The following MIPEP variants were observed in gnomAD, a reference collection of about 807,000 sequenced individuals.
The protein encoded by MIPEP is mitochondrial intermediate peptidase.
A neutral mutation model predicts 90.3 loss-of-function variants in MIPEP; 79 were observed. The ratio of observed to expected loss-of-function variants is 0.87; its 90% CI spans 0.73 to 1.05. The LOEUF (loss-of-function observed/expected upper bound fraction) is 1.05. Ranked by LOEUF, MIPEP falls within the 50% of genes least tolerant of loss-of-function variation. The pLI is 0.00. For missense variants in MIPEP, 940 were observed against 905.6 expected (o/e 1.04, Z -0.49); for synonymous variants, 334 against 315.8 (o/e 1.06, Z -0.61).
At position 23,799,000 on chromosome 13, in the gene MIPEP, G is replaced by T. The variant is rs1054296500; in HGVS notation, c.1848+6950C>A. Among the ~76,000 whole-genome samples the T allele has an allele frequency of 1.2e-3, 103 of 88,890 alleles. 1 individual carries two copies. The Middle Eastern group carries it at 0.039, about 34-fold the overall frequency. The allele number at this position is 88,890 out of a possible 152,430, so 58.3% of individuals were successfully genotyped here. A position where few individuals can be genotyped will look rare whatever the true frequency, so the allele number is the denominator to read the frequency against. On this transcript the variant is annotated intron_variant, in intron 16 of 18. Transcript: ENST00000382172. Reference sequence around the variant, plus strand: ...AGGGTAAATTAGAATAATTTTTTTGGTTTTTTTTTTTTTTTTTTTTTTTGA... The same window carrying T: ...AGGGTAAATTAGAATAATTTTTTTGTTTTTTTTTTTTTTTTTTTTTTTTGA...
chr13:23,866,814 A>G (rs539490710), intron 7 of MIPEP, among the ~76,000 whole-genome samples: 2 of 152,204 alleles, frequency 1.3e-5, no homozygotes, highest in Admixed American at 1.3e-4. Flanking sequence ...TGCCTACCCA[A>G]CTTCACCACT....
intron 10 of MIPEP, among the ~76,000 whole-genome samples, chr13:23,844,234 C>T (rs1462631413): frequency 6.6e-6 from 1 of 152,006 alleles, no homozygotes; most frequent in Admixed American, 6.6e-5. Flanking sequence ...GGAAGGAAGA[C>T]ACAGAACAGT....
intron 12 of MIPEP, among the ~76,000 whole-genome samples, chr13:23,838,805 T>C (rs1296814011): frequency 1.3e-5 from 2 of 152,176 alleles, no homozygotes; most frequent in African/African-American, 2.4e-5. Context: ...TCTGGTGACC[T>C]GCACCCTGTT....
chr13:23,818,364 T>C (rs576065956), intron 14 of MIPEP, among the ~76,000 whole-genome samples: 3 of 152,182 alleles, frequency 2.0e-5, no homozygotes, highest in East Asian at 3.9e-4. Context: ...AGGTAGAGGA[T>C]GCAGTGTGAC....
intron 14 of MIPEP, among the ~76,000 whole-genome samples, chr13:23,816,995 T>C (rs1953247845): frequency 2.0e-5 from 3 of 152,206 alleles, no homozygotes; most frequent in African/African-American, 7.2e-5. Flanking sequence ...GTGAGCCATC[T>C]GTATCTCTCT....
chr13:23,874,822 C>A (rs1870990179), intron 5 of MIPEP, 24 bp downstream of exon 5: 3 of 1,567,142 alleles, frequency 1.9e-6, no homozygotes, highest in South Asian at 2.4e-5. Context: ...CTGGAAGAGT[C>A]AAAAAAACAG....
At chr13:23,832,630 A>C (rs1429597252) in intron 14 of MIPEP, among the ~76,000 whole-genome samples, 1 of 152,182 alleles carries the variant, frequency 6.6e-6, no homozygotes, top group Non-Finnish European at 1.5e-5. Context: ...AAAATCTACA[A>C]GCACTGAGAA....
At chr13:23,806,090 A>C in intron 15 of MIPEP, 21 bp from the exon 16 acceptor site, 1 of 1,613,242 alleles carries the variant, frequency 6.2e-7, no homozygotes, top group Non-Finnish European at 8.5e-7. Context: ...AAAAACATCT[A>C]CTTAGTTTTG....
chr13:23,773,280 C>G (rs935709830), intron 16 of MIPEP, among the ~76,000 whole-genome samples: 2 of 152,162 alleles, frequency 1.3e-5, no homozygotes, highest in African/African-American at 4.8e-5. Flanking sequence ...TTTTCAAAGT[C>G]TATCCATGTT....
At chr13:23,830,038 G>A (rs888959919) in intron 14 of MIPEP, among the ~76,000 whole-genome samples, 16 of 152,090 alleles carry the variant, frequency 1.1e-4, no homozygotes, top group African/African-American at 3.9e-4. Context: ...AAACAATTTG[G>A]CATTATCTCA....
intron 14 of MIPEP, among the ~76,000 whole-genome samples, chr13:23,834,468 C>G (rs1262324620): frequency 6.6e-6 from 1 of 152,162 alleles, no homozygotes; most frequent in Non-Finnish European, 1.5e-5. Flanking sequence ...CTCAGTTCCC[C>G]TAGGAATTAA....
chr13:23,774,277 C>T (rs1055021247), intron 16 of MIPEP, among the ~76,000 whole-genome samples: 2 of 151,642 alleles, frequency 1.3e-5, no homozygotes, highest in Admixed American at 1.3e-4. Context: ...TATGTTTATC[C>T]TTATGCCAGC....
At chr13:23,812,846 T>A (rs886831411) in intron 14 of MIPEP, among the ~76,000 whole-genome samples, 1 of 152,190 alleles carries the variant, frequency 6.6e-6, no homozygotes, top group Non-Finnish European at 1.5e-5. Flanking sequence ...CTACTATACA[T>A]TGTAATACAA....
intron 18 of MIPEP, among the ~76,000 whole-genome samples, chr13:23,754,998 T>A (rs1952476844): frequency 6.6e-6 from 1 of 152,218 alleles, no homozygotes; most frequent in Admixed American, 6.5e-5. Flanking sequence ...ACTGCCTTGT[T>A]ACATAAGCAG....
chr13:23,783,938 G>C (rs1296250445), intron 16 of MIPEP, among the ~76,000 whole-genome samples: 1 of 151,972 alleles, frequency 6.6e-6, no homozygotes, highest in Admixed American at 6.6e-5. Context: ...ACCACTGCTC[G>C]AGGAAATAAA....
intron 16 of MIPEP, among the ~76,000 whole-genome samples, chr13:23,799,727 C>T: frequency 6.6e-6 from 1 of 152,208 alleles, no homozygotes; most frequent in East Asian, 1.9e-4. Flanking sequence ...ATCCTATTCA[C>T]AAGAAACATG....
intron 7 of MIPEP, among the ~76,000 whole-genome samples, chr13:23,867,654 C>T (rs1870602240): frequency 6.6e-6 from 1 of 152,146 alleles, no homozygotes; most frequent in Admixed American, 6.5e-5. Flanking sequence ...AGAATAATAT[C>T]TGACATACAG....
At chr13:23,829,592 C>G (rs909980710) in intron 14 of MIPEP, among the ~76,000 whole-genome samples, 14 of 151,942 alleles carry the variant, frequency 9.2e-5, no homozygotes, top group African/African-American at 3.4e-4. Context: ...AAGAAAAAGA[C>G]AAATTTCCAA....
intron 4 of MIPEP, among the ~76,000 whole-genome samples, chr13:23,875,891 C>T (rs1180714948): frequency 1.3e-5 from 2 of 152,016 alleles, no homozygotes; most frequent in Admixed American, 1.3e-4. Flanking sequence ...TTGTATCTTG[C>T]TCTTTCTTGT....
Sources: allele counts gnomAD v4.1 joint callset (sites outside exome capture counted in the v4.1 genomes callset), GRCh38; gene constraint gnomAD v4.1.1; transcripts MANE v1.5; gene names NCBI Gene and HGNC (gene_info 2026-07-23, HGNC 2026-07-21).